The following MAML3 variants were observed in gnomAD, a reference collection of about 807,000 sequenced individuals.
MAML3 encodes mastermind-like protein 3.
A neutral mutation model predicts 101.9 loss-of-function variants in MAML3; 27 were observed. That is an observed-to-expected ratio of 0.27 (90% CI 0.20 to 0.37). MAML3 has a LOEUF of 0.37. MAML3 is among the 10% of genes least tolerant of loss of function. The pLI is 1.00. For synonymous variants in MAML3, 501 were observed against 555.9 expected (o/e 0.90, Z 1.39); for missense variants, 1,316 against 1,444.9 (o/e 0.91, Z 1.45).
chr4:139,724,951 G>A (rs1728405599), intron 4 of MAML3, among the ~76,000 whole-genome samples: 1 of 152,038 alleles, frequency 6.6e-6, no homozygotes, highest in Admixed American at 6.5e-5. Context: ...GAGAGACAGG[G>A]TTTTGCTATG....
intron 1 of MAML3, among the ~76,000 whole-genome samples, chr4:139,945,659 A>G (rs1272428700): frequency 6.6e-6 from 1 of 152,262 alleles, no homozygotes; most frequent in African/African-American, 2.4e-5. Context: ...CACTGATTTT[A>G]AGCAGCCTGA....
At chr4:139,898,866 G>A (rs191958094) in intron 1 of MAML3, among the ~76,000 whole-genome samples, 13 of 152,306 alleles carry the variant, frequency 8.5e-5, no homozygotes, top group South Asian at 4.1e-4. Flanking sequence ...GGAAGAGTGC[G>A]CAAAACATTT....
At chr4:139,848,185 G>A (rs1159355569) in intron 2 of MAML3, among the ~76,000 whole-genome samples, 1 of 152,126 alleles carries the variant, frequency 6.6e-6, no homozygotes, top group African/African-American at 2.4e-5. Flanking sequence ...CAAATATGCT[G>A]CCACTGCTGC....
At chr4:140,100,185 C>G (rs888958474) in intron 1 of MAML3, among the ~76,000 whole-genome samples, 2 of 152,174 alleles carry the variant, frequency 1.3e-5, no homozygotes, top group African/African-American at 4.8e-5. Context: ...CTGTAGAGAT[C>G]ACTGTCTCCT....
At chr4:139,921,345 A>G (rs1733127092) in intron 1 of MAML3, among the ~76,000 whole-genome samples, 1 of 152,084 alleles carries the variant, frequency 6.6e-6, no homozygotes, top group South Asian at 2.1e-4. Flanking sequence ...TGTTATTTAC[A>G]AACTATAGTT....
At chr4:140,145,354 C>A (rs537287107) in intron 1 of MAML3, among the ~76,000 whole-genome samples, 61 of 152,308 alleles carry the variant, frequency 4.0e-4, no homozygotes, top group African/African-American at 1.4e-3. Flanking sequence ...CTAAATATTT[C>A]ACTTAAGTTT....
chr4:140,104,474 ATTTT>A, intron 1 of MAML3, among the ~76,000 whole-genome samples: 1 of 86,996 alleles, frequency 1.1e-5, no homozygotes, highest in East Asian at 3.0e-4. Context: ...TATATATATA[ATTTT>A]TTTTTTTTTT....
chr4:139,982,441 A>G (rs1216175368), intron 1 of MAML3, among the ~76,000 whole-genome samples: 1 of 152,024 alleles, frequency 6.6e-6, no homozygotes, highest in African/African-American at 2.4e-5. Flanking sequence ...GGTTGTTTTT[A>G]CTGGAGAATG....
intron 1 of MAML3, among the ~76,000 whole-genome samples, chr4:139,974,860 C>T (rs879219379): frequency 2.6e-5 from 4 of 151,874 alleles, no homozygotes; most frequent in Middle Eastern, 3.4e-3. Flanking sequence ...ACTTGAAGGA[C>T]GGGTAGAATG....
intron 1 of MAML3, among the ~76,000 whole-genome samples, chr4:139,998,576 T>C (rs1270933123): frequency 6.6e-6 from 1 of 152,204 alleles, no homozygotes; most frequent in Non-Finnish European, 1.5e-5. Context: ...GTCCAACATC[T>C]GGGGACACTC....
chr4:140,136,335 G>A (rs1223187439), intron 1 of MAML3, among the ~76,000 whole-genome samples: 1 of 152,100 alleles, frequency 6.6e-6, no homozygotes, highest in Non-Finnish European at 1.5e-5. Flanking sequence ...AATAAGCCCA[G>A]TATATCCCAA....
chr4:140,075,298 C>T (rs1326809388), intron 1 of MAML3, among the ~76,000 whole-genome samples: 1 of 152,008 alleles, frequency 6.6e-6, no homozygotes, highest in Non-Finnish European at 1.5e-5. Context: ...TTTCACCTGT[C>T]TGAGATTTTC....
At chr4:139,975,111 A>G (rs143481038) in intron 1 of MAML3, among the ~76,000 whole-genome samples, 60 of 152,204 alleles carry the variant, frequency 3.9e-4, no homozygotes, top group African/African-American at 1.4e-3. Context: ...ATCCAGCAGC[A>G]TCCCATCTCT....
At chr4:139,942,274 G>T (rs931031447) in intron 1 of MAML3, among the ~76,000 whole-genome samples, 1 of 152,022 alleles carries the variant, frequency 6.6e-6, no homozygotes, top group Non-Finnish European at 1.5e-5. Flanking sequence ...CAACCCAGAA[G>T]ATTTTATTAC....
intron 3 of MAML3, among the ~76,000 whole-genome samples, chr4:139,728,674 C>G (rs1406726003): frequency 6.6e-6 from 1 of 152,208 alleles, no homozygotes; most frequent in Admixed American, 6.5e-5. Context: ...TTTCCCTTGT[C>G]TTTCCCAAGA....
At chr4:140,102,748 T>TC (rs1200598085) in intron 1 of MAML3, among the ~76,000 whole-genome samples, 1 of 149,260 alleles carries the variant, frequency 6.7e-6, no homozygotes, top group East Asian at 2.0e-4. Context: ...ACACCCTGGC[T>TC]CCCTGCCATT....
chr4:139,862,077 C>A (rs34249776), intron 2 of MAML3, among the ~76,000 whole-genome samples: 377 of 152,242 alleles, frequency 2.5e-3, no homozygotes, highest in Non-Finnish European at 4.4e-3. Flanking sequence ...GGCATGGTGG[C>A]AGGCACCTGT....
intron 2 of MAML3, among the ~76,000 whole-genome samples, chr4:139,780,865 G>A (rs560290529): frequency 2.2e-4 from 33 of 152,262 alleles, no homozygotes; most frequent in Admixed American, 4.6e-4. Flanking sequence ...CTGGCCTCAC[G>A]TGATCTGCTC....
intron 2 of MAML3, among the ~76,000 whole-genome samples, chr4:139,793,869 A>C (rs147862143): frequency 9.4e-4 from 143 of 152,358 alleles, no homozygotes; most frequent in African/African-American, 3.3e-3. Context: ...CCCTAGGAGA[A>C]TATTATTATG....
Sources: allele counts gnomAD v4.1 joint callset (sites outside exome capture counted in the v4.1 genomes callset), GRCh38; gene constraint gnomAD v4.1.1; transcripts MANE v1.5; gene names NCBI Gene and HGNC (gene_info 2026-07-23, HGNC 2026-07-21).